Variants in GRID2 observed in about 807,000 individuals in gnomAD.
GRID2 encodes the protein glutamate ionotropic receptor delta type subunit 2.
In GRID2, 33 loss-of-function variants were observed where a neutral mutation model predicts 114.8. The observed-to-expected ratio is 0.29, with a 90% CI of 0.22 to 0.38. The LOEUF (loss-of-function observed/expected upper bound fraction) is 0.38. Among genes scored for constraint, GRID2 ranks in the 10% least tolerant of loss-of-function variants. The pLI is 1.00. For missense variants in GRID2, 1,184 were observed against 1,257.7 expected (o/e 0.94, Z 0.89); for synonymous variants, 505 against 449.9 (o/e 1.12, Z -1.55).
chr4:93,692,511 C>CT (rs1726659844), intron 14 of GRID2, among the ~76,000 whole-genome samples: 7 of 152,026 alleles, frequency 4.6e-5, no homozygotes, highest in Admixed American at 3.9e-4. Context: ...TAGCATTAGT[C>CT]ATTTTATTTA....
At chr4:92,965,688 C>T (rs1753113037) in intron 2 of GRID2, among the ~76,000 whole-genome samples, 1 of 151,666 alleles carries the variant, frequency 6.6e-6, no homozygotes, top group South Asian at 2.1e-4. Context: ...TTTCCAAGTT[C>T]TTACATTTGG....
intron 13 of GRID2, among the ~76,000 whole-genome samples, chr4:93,594,943 A>G (rs62320421): frequency 0.3 from 45,592 of 150,450 alleles, 7,394 homozygotes; most frequent in African/African-American, 0.42. Flanking sequence ...ACTGACCTGC[A>G]CCCACTGTCT....
chr4:93,536,925 C>A (rs1490910770), intron 13 of GRID2, among the ~76,000 whole-genome samples: 1 of 151,454 alleles, frequency 6.6e-6, no homozygotes, highest in African/African-American at 2.4e-5. Context: ...TTCCATATAT[C>A]TTTTCTTCCT....
intron 1 of GRID2, among the ~76,000 whole-genome samples, chr4:92,556,489 G>A (rs1009210770): frequency 3.3e-5 from 5 of 151,854 alleles, no homozygotes; most frequent in Non-Finnish European, 7.4e-5. Flanking sequence ...CAGTGTATTA[G>A]TTAACTACTG....
chr4:92,571,409 C>T (rs1219447889), intron 1 of GRID2, among the ~76,000 whole-genome samples: 1 of 152,108 alleles, frequency 6.6e-6, no homozygotes, highest in East Asian at 1.9e-4. Flanking sequence ...TACAAAGAGA[C>T]TTAGACTCCC....
At chr4:93,152,119 T>C (rs1279877505) in intron 4 of GRID2, among the ~76,000 whole-genome samples, 1 of 152,174 alleles carries the variant, frequency 6.6e-6, no homozygotes, top group African/African-American at 2.4e-5. Flanking sequence ...CAATCAAATT[T>C]TCTTTGTTTC....
chr4:93,368,201 T>C (rs1487440100), intron 8 of GRID2, among the ~76,000 whole-genome samples: 1 of 152,110 alleles, frequency 6.6e-6, no homozygotes, highest in Non-Finnish European at 1.5e-5. Context: ...GACAGTTAAT[T>C]CTTACCTAGA....
intron 1 of GRID2, among the ~76,000 whole-genome samples, chr4:92,493,751 A>C (rs1174398482): frequency 6.6e-6 from 1 of 152,160 alleles, no homozygotes; most frequent in Admixed American, 6.6e-5. Flanking sequence ...TAGCTATCTA[A>C]TTTGTTTAAA....
intron 1 of GRID2, among the ~76,000 whole-genome samples, chr4:92,475,117 A>G (rs940807785): frequency 8.0e-5 from 10 of 124,650 alleles, no homozygotes; most frequent in African/African-American, 2.7e-4. Flanking sequence ...CTTAAAGTAT[A>G]ATAATAATAA....
In GRID2 at chr4:93,279,974, T is replaced by C. The variant is rs17020308; in HGVS notation, c.1245+41484T>C. On this transcript the variant is annotated intron_variant, in intron 8 of 15. Transcript: ENST00000282020. ...AGGTTTTTGTGAGTGTAAAGCAAGATGTATATGGCAGCAATGTGATGGATC... is the reference window on the plus strand; with the variant it reads ...AGGTTTTTGTGAGTGTAAAGCAAGACGTATATGGCAGCAATGTGATGGATC... Among the ~76,000 whole-genome samples the C allele has an allele frequency of 2.1e-3, 320 of 152,014 alleles. 2 individuals are homozygous for C. The highest frequency in any genetic ancestry group is 7.4e-3 in the African/African-American group (305 of 41,494).
At chr4:93,538,344 T>C (rs1027947274) in intron 13 of GRID2, among the ~76,000 whole-genome samples, 1 of 151,718 alleles carries the variant, frequency 6.6e-6, no homozygotes, top group African/African-American at 2.4e-5. Flanking sequence ...AATTGAATAT[T>C]GGATTACAAC....
At chr4:93,377,015 T>C (rs765001231) in intron 8 of GRID2, among the ~76,000 whole-genome samples, 2 of 152,170 alleles carry the variant, frequency 1.3e-5, no homozygotes, top group South Asian at 2.1e-4. Context: ...TTGGGAAGTA[T>C]GATAATGGTG....
At chr4:93,205,799 C>G (rs1364571206) in intron 4 of GRID2, among the ~76,000 whole-genome samples, 2 of 152,060 alleles carry the variant, frequency 1.3e-5, no homozygotes, top group East Asian at 3.9e-4. Context: ...TCCTATTTCT[C>G]CACATCCTCT....
At chr4:93,792,151 A>C (rs1247975297) in intron 1 of GRID2, among the ~76,000 whole-genome samples, 1 of 152,178 alleles carries the variant, frequency 6.6e-6, no homozygotes, top group Non-Finnish European at 1.5e-5. Flanking sequence ...ATTTCTAAAT[A>C]AAGTCTTATG....
chr4:92,446,255 T>G (rs112701305), intron 1 of GRID2, among the ~76,000 whole-genome samples: 1 of 152,164 alleles, frequency 6.6e-6, no homozygotes, highest in Non-Finnish European at 1.5e-5. Flanking sequence ...CTTTATCCCA[T>G]ATTTGATTTA....
intron 1 of GRID2, among the ~76,000 whole-genome samples, chr4:92,340,335 G>A (rs537837738): frequency 6.6e-5 from 10 of 152,142 alleles, no homozygotes; most frequent in South Asian, 2.1e-4. Flanking sequence ...ACATTTTCCC[G>A]CATGAGTGTC....
At chr4:92,349,603 CAAAT>C (rs907340423) in intron 1 of GRID2, among the ~76,000 whole-genome samples, 4 of 150,812 alleles carry the variant, frequency 2.7e-5, no homozygotes, top group African/African-American at 4.9e-5. Context: ...ATAAGCAACT[CAAAT>C]AAATATATGA....
chr4:93,340,184 T>C (rs1759502703), intron 8 of GRID2, among the ~76,000 whole-genome samples: 1 of 152,112 alleles, frequency 6.6e-6, no homozygotes, highest in Non-Finnish European at 1.5e-5. Flanking sequence ...TGAAAACTTT[T>C]AAATTCTGGA....
intron 1 of GRID2, among the ~76,000 whole-genome samples, chr4:92,352,340 T>TTTATTA (rs138987661): frequency 5.4e-5 from 8 of 147,134 alleles, no homozygotes; most frequent in East Asian, 4.0e-4. Flanking sequence ...ATTGGATTAT[T>TTTATTA]TTATTATTAT....
Sources: allele counts gnomAD v4.1 joint callset (sites outside exome capture counted in the v4.1 genomes callset), GRCh38; gene constraint gnomAD v4.1.1; transcripts MANE v1.5; gene names NCBI Gene and HGNC (gene_info 2026-07-23, HGNC 2026-07-21).